Variants in TMEM192 observed in about 807,000 individuals in gnomAD.
TMEM192 encodes transmembrane protein 192.
Under a neutral mutation model 26.7 loss-of-function variants are expected in TMEM192, and 20 were observed. That is an observed-to-expected ratio of 0.75 (90% CI 0.53 to 1.09). The LOEUF (loss-of-function observed/expected upper bound fraction) is 1.09, where lower values mean the gene tolerates loss of function less well. Among genes scored for constraint, TMEM192 ranks in the 50% least tolerant of loss-of-function variants. The pLI, the probability that TMEM192 is intolerant of heterozygous loss-of-function variation, is 0.00. For synonymous variants in TMEM192, 124 were observed against 121.0 expected, an observed-to-expected ratio of 1.02 and a Z score of -0.16; for missense variants, 304 against 322.6, an observed-to-expected ratio of 0.94 and a Z score of 0.44.
chr4:165,088,562 G>A lies in TMEM192; in HGVS notation c.480C>T (p.Ser160=). The A allele has an allele frequency of 1.1e-5, 17 of 1,613,594 alleles. No homozygotes were observed. The highest frequency in any genetic ancestry group is 1.4e-5 in the Non-Finnish European group (17 of 1,179,786). Residue 160 remains serine, a synonymous_variant, in exon 4 of 6, where the codon TCC becomes TCT. Coordinates refer to ENST00000306480, the MANE Select transcript of TMEM192 (RefSeq NM_001100389.2). ...VLLLILCMQH[S]FPEPGRLYLD... is the part of the protein sequence containing the mutation. ...GATACAATCTGCCAGGCTCTGGGAA[G>A]GAGTGCTGCATGCACAGTATGAGGA...
At chr4:165,107,127 C>A (rs1980068) in intron 1 of TMEM192, among the ~76,000 whole-genome samples, 68,817 of 150,952 alleles carry the variant, frequency 0.46, 16,923 homozygotes, top group East Asian at 0.58. Context: ...TGGGTTCAAA[C>A]AATTCTCCTG....
chr4:165,087,650 C>A (rs7683991), intron 4 of TMEM192, among the ~76,000 whole-genome samples: 132,589 of 152,090 alleles, frequency 0.87, 58,505 homozygotes, highest in East Asian at 0.96. Context: ...TGAATATATA[C>A]AATTTGGGGC....
chr4:165,089,203 G>C (rs1397401656), intron 3 of TMEM192, among the ~76,000 whole-genome samples: 1 of 152,076 alleles, frequency 6.6e-6, no homozygotes, highest in African/African-American at 2.4e-5. Flanking sequence ...AGCAAGACCT[G>C]TCTATTCAGG....
chr4:165,096,706 T>C (rs1734916708), intron 3 of TMEM192, among the ~76,000 whole-genome samples: 1 of 151,924 alleles, frequency 6.6e-6, no homozygotes, highest in South Asian at 2.1e-4. Context: ...TTCCGTTTGA[T>C]TTTCTGGGTT....
At chr4:165,106,019 T>C (rs1735151797) in intron 1 of TMEM192, among the ~76,000 whole-genome samples, 2 of 152,122 alleles carry the variant, frequency 1.3e-5, no homozygotes, top group South Asian at 4.1e-4. Flanking sequence ...GAGCAACCCC[T>C]CCCCAGGGCT....
Position 165,096,183 on chromosome 4 carries a change from G to A in TMEM192, c.439+4445C>T, listed in dbSNP as rs187873030. 6.0e-3 allele frequency among the ~76,000 whole-genome samples: 906 copies of A among 151,886 alleles called. 28 individuals carry two copies. Among genetic ancestry groups the A allele is most frequent in the Non-Finnish European group, 2.3e-3 (158 of 67,914 alleles). On this transcript the variant is annotated intron_variant, in intron 3 of 5. Coordinates refer to ENST00000306480, the MANE Select transcript of TMEM192 (RefSeq NM_001100389.2). Reference sequence around the variant, plus strand: ...AGCACTATGGGAGGCCAAGGGGAGCGGATCACCTGAGGTTAGGAGTTCGAG... The same window carrying A: ...AGCACTATGGGAGGCCAAGGGGAGCAGATCACCTGAGGTTAGGAGTTCGAG...
Position 165,079,171 on chromosome 4 carries a change from A to T in TMEM192, c.*487T>A, listed in dbSNP as rs1734460034. 1 of 153,130 alleles carries T rather than the reference A, an allele frequency of 6.5e-6. No homozygotes were observed. Among genetic ancestry groups the T allele is most frequent in the African/African-American group, 2.4e-5 (1 of 41,484 alleles). 9.5% of individuals were successfully genotyped at this position (153,130 alleles called of 1,614,324 possible). ...GGTCCATGATGTCATCCAACACCAC[A>T]TAAGCATATAAAATACATGATAAGG... On this transcript the variant is annotated 3_prime_UTR_variant, in exon 6 of 6. Coordinates refer to ENST00000306480, the MANE Select transcript of TMEM192 (RefSeq NM_001100389.2).
chr4:165,095,128 C>A (rs539764836), intron 3 of TMEM192, among the ~76,000 whole-genome samples: 1 of 152,060 alleles, frequency 6.6e-6, no homozygotes, highest in Non-Finnish European at 1.5e-5. Flanking sequence ...CTCCTAGAAA[C>A]GAAACCCATG....
chr4:165,086,543 A>G (rs1042354599), intron 4 of TMEM192, among the ~76,000 whole-genome samples: 2 of 150,752 alleles, frequency 1.3e-5, no homozygotes, highest in Non-Finnish European at 2.9e-5. Context: ...CTCCCACCTC[A>G]GCCTCCCGAC....
Position 165,077,332 on chromosome 4 carries a change from T to C in TMEM192, c.*2326A>G, listed in dbSNP as rs1208199113. On this transcript the variant is annotated 3_prime_UTR_variant, in exon 6 of 6. Coordinates refer to ENST00000306480, the MANE Select transcript of TMEM192 (RefSeq NM_001100389.2). ...TTTAAAAATAAATAAGAGTTAATCA[T>C]CTACCACTGGTGTTCCCTTTTGAAA... The C allele has an allele frequency of 4.6e-5, 7 of 152,328 alleles. No individual in the cohort carries two copies. The highest frequency in any genetic ancestry group is 3.3e-4 in the Admixed American group (5 of 15,294). 9.4% of individuals were successfully genotyped at this position (152,328 alleles called of 1,614,324 possible).
At chr4:165,085,854 T>C (rs926122840) in intron 4 of TMEM192, among the ~76,000 whole-genome samples, 166 bp from the exon 5 acceptor site, 1 of 152,194 alleles carries the variant, frequency 6.6e-6, no homozygotes, top group African/African-American at 2.4e-5. Context: ...TACATTAGTA[T>C]TGAAATAGCA....
chr4:165,087,412 T>A (rs1019304273), intron 4 of TMEM192, among the ~76,000 whole-genome samples: 1 of 152,146 alleles, frequency 6.6e-6, no homozygotes, highest in African/African-American at 2.4e-5. Context: ...GATGACTGAC[T>A]GATCACCAAT....
Position 165,079,653 on chromosome 4 carries a change from G to T in TMEM192, c.*5C>A. The T allele has an allele frequency of 6.2e-7, 1 of 1,607,162 alleles. No homozygotes were observed. The highest frequency in any genetic ancestry group is 2.3e-5 in the East Asian group (1 of 44,378). The stretch of plus-strand genomic sequence containing the variant: ...TCTGCAATTGCTGTCATGACCGTGA[G>T]CCTCTCACGTTCTACTTGGCTGACA... On this transcript the variant is annotated 3_prime_UTR_variant, in exon 6 of 6. Coordinates refer to ENST00000306480, the MANE Select transcript of TMEM192 (RefSeq NM_001100389.2).
At chr4:165,089,040 C>CAAA (rs56000323) in intron 3 of TMEM192, among the ~76,000 whole-genome samples, 6 of 47,292 alleles carry the variant, frequency 1.3e-4, no homozygotes, top group Admixed American at 4.2e-4. Flanking sequence ...GACCCTACTG[C>CAAA]AAAAAAAAAA....
rs1245902709 is a variant in TMEM192, at chr4:165,075,066, A to G, written c.*4592T>C. On this transcript the variant is annotated 3_prime_UTR_variant, in exon 6 of 6. Transcript: ENST00000306480. ...TCATCAGATGGGTCAAGACTTAAAT[A>G]AGGTAACACCCACTATTGGTAAGGG... 1 of 152,158 alleles carries G rather than the reference A, an allele frequency of 6.6e-6. No individual in the cohort carries two copies. The allele number at this position is 152,158 out of a possible 1,614,324, so 9.4% of individuals were successfully genotyped here.
Position 165,076,579 on chromosome 4 carries a change from C to T in TMEM192, c.*3079G>A, listed in dbSNP as rs1451960710. 2.0e-5 allele frequency: 3 copies of T among 152,294 alleles called. No individual in the cohort carries two copies. Among genetic ancestry groups the T allele is most frequent in the African/African-American group, 7.2e-5 (3 of 41,454 alleles). The allele number at this position is 152,294 out of a possible 1,614,324, so 9.4% of individuals were successfully genotyped here. ...TCTGACATTCTTAAAACCCTCTACC[C>T]TCCTGCCCCCAGGGTACCCCCTGAC... On this transcript the variant is annotated 3_prime_UTR_variant, in exon 6 of 6. Coordinates refer to ENST00000306480, the MANE Select transcript of TMEM192 (RefSeq NM_001100389.2).
intron 3 of TMEM192, among the ~76,000 whole-genome samples, chr4:165,093,182 T>C (rs1345205160): frequency 6.8e-6 from 1 of 146,688 alleles, no homozygotes; most frequent in Non-Finnish European, 1.5e-5. Flanking sequence ...CGGCAACCTC[T>C]GCCTCCAGGG....
chr4:165,108,165 C>A (rs1735213143), intron 1 of TMEM192, among the ~76,000 whole-genome samples: 1 of 117,066 alleles, frequency 8.5e-6, no homozygotes, highest in Non-Finnish European at 1.6e-5. Context: ...CTCTGTCACC[C>A]AGGTTGGAGT....
At chr4:165,099,090 CT>C (rs1311007908) in intron 3 of TMEM192, among the ~76,000 whole-genome samples, 1 of 145,662 alleles carries the variant, frequency 6.9e-6, no homozygotes, top group African/African-American at 2.5e-5. Context: ...TTTACTACAA[CT>C]TTTTTTCTTT....
Sources: allele counts gnomAD v4.1 joint callset (sites outside exome capture counted in the v4.1 genomes callset), GRCh38; gene constraint gnomAD v4.1.1; transcripts MANE v1.5; gene names NCBI Gene and HGNC (gene_info 2026-07-23, HGNC 2026-07-21).